The following GPC6 variants were observed in gnomAD, a reference collection of about 807,000 sequenced individuals.
GPC6 encodes the protein glypican-6.
GPC6 carries 14 observed loss-of-function variants against 55.2 expected under a neutral mutation model. That is an observed-to-expected ratio of 0.25 (90% CI 0.17 to 0.40). The LOEUF (loss-of-function observed/expected upper bound fraction) is 0.40, where lower values mean the gene tolerates loss of function less well. Ranked by LOEUF, GPC6 falls within the 10% of genes least tolerant of loss-of-function variation. The pLI, the probability that GPC6 is intolerant of heterozygous loss-of-function variation, is 1.00. For synonymous variants in GPC6, 278 were observed against 259.6 expected, an observed-to-expected ratio of 1.07 and a Z score of -0.68; for missense variants, 641 against 708.5, an observed-to-expected ratio of 0.90 and a Z score of 1.08.
chr13:94,398,194 G>A (rs1010082831), intron 7 of GPC6, among the ~76,000 whole-genome samples: 1 of 149,632 alleles, frequency 6.7e-6, no homozygotes, highest in Non-Finnish European at 1.5e-5. Context: ...CCCCAATTTC[G>A]CATTTATCTG....
At chr13:94,324,658 G>A (rs924761480) in intron 6 of GPC6, among the ~76,000 whole-genome samples, 3 of 151,224 alleles carry the variant, frequency 2.0e-5, no homozygotes, top group African/African-American at 7.3e-5. Context: ...CAGATAAGAG[G>A]CACAGAGATA....
At chr13:94,129,242 A>G (rs1255426762) in intron 4 of GPC6, among the ~76,000 whole-genome samples, 1 of 152,152 alleles carries the variant, frequency 6.6e-6, no homozygotes, top group African/African-American at 2.4e-5. Flanking sequence ...TGGAAACAGT[A>G]ATGGACAAAC....
intron 1 of GPC6, among the ~76,000 whole-genome samples, chr13:93,254,753 G>GAA (rs1876898234): frequency 1.3e-5 from 2 of 151,996 alleles, no homozygotes; most frequent in African/African-American, 4.8e-5. Context: ...ACAACAAGCA[G>GAA]AAAAATTCAT....
At chr13:93,710,775 A>G (rs1883028175) in intron 2 of GPC6, among the ~76,000 whole-genome samples, 1 of 151,502 alleles carries the variant, frequency 6.6e-6, no homozygotes, top group African/African-American at 2.4e-5. Flanking sequence ...AACCATTATA[A>G]TTTTAAGTAA....
chr13:93,276,985 A>G (rs1277265178), intron 1 of GPC6, among the ~76,000 whole-genome samples: 1 of 152,212 alleles, frequency 6.6e-6, no homozygotes, highest in Non-Finnish European at 1.5e-5. Context: ...AGAGATTATA[A>G]TCAATGCTTC....
intron 1 of GPC6, among the ~76,000 whole-genome samples, chr13:93,324,674 TAAAAA>T (rs1879588865): frequency 6.8e-6 from 1 of 147,086 alleles, no homozygotes; most frequent in Non-Finnish European, 1.5e-5. Flanking sequence ...AAATTAAAAA[TAAAAA>T]TTTTTAAAAA....
At chr13:93,357,213 T>C (rs953721961) in intron 1 of GPC6, among the ~76,000 whole-genome samples, 7 of 152,188 alleles carry the variant, frequency 4.6e-5, no homozygotes, top group Non-Finnish European at 7.3e-5. Flanking sequence ...TTTAAGTTGC[T>C]CTTAGGTGGT....
At chr13:93,497,826 A>G (rs894733437) in intron 1 of GPC6, among the ~76,000 whole-genome samples, 15 of 152,240 alleles carry the variant, frequency 9.9e-5, no homozygotes, top group Admixed American at 7.2e-4. Context: ...AATGCATTCC[A>G]GAAGCCCCCT....
chr13:94,242,623 A>C (rs1229508038), intron 4 of GPC6, among the ~76,000 whole-genome samples: 3 of 152,096 alleles, frequency 2.0e-5, no homozygotes, highest in Admixed American at 2.0e-4. Context: ...ATGCACACTA[A>C]AGCTGGCTCC....
chr13:93,456,166 C>A (rs1468409991), intron 1 of GPC6, among the ~76,000 whole-genome samples: 1 of 151,078 alleles, frequency 6.6e-6, no homozygotes, highest in East Asian at 1.9e-4. Flanking sequence ...CTTTATGAAC[C>A]CTTAATCATT....
intron 4 of GPC6, among the ~76,000 whole-genome samples, chr13:94,211,804 C>A (rs759245787): frequency 3.9e-5 from 6 of 152,198 alleles, no homozygotes; most frequent in Non-Finnish European, 8.8e-5. Flanking sequence ...CCTGAAAAAG[C>A]CAATGCAATT....
At chr13:93,689,626 T>C (rs1340795011) in intron 2 of GPC6, among the ~76,000 whole-genome samples, 1 of 152,140 alleles carries the variant, frequency 6.6e-6, no homozygotes, top group Non-Finnish European at 1.5e-5. Flanking sequence ...TGTATGTATA[T>C]GGTCCTATTT....
intron 1 of GPC6, among the ~76,000 whole-genome samples, chr13:93,389,997 G>A (rs1875555098): frequency 1.3e-5 from 2 of 151,720 alleles, no homozygotes; most frequent in Non-Finnish European, 2.9e-5. Context: ...TGAGTGGGAT[G>A]CCTAACATTA....
At chr13:93,643,192 A>G (rs1031565533) in intron 2 of GPC6, among the ~76,000 whole-genome samples, 1 of 152,040 alleles carries the variant, frequency 6.6e-6, no homozygotes, top group African/African-American at 2.4e-5. Flanking sequence ...ATTTTTATTC[A>G]TTCATGAATT....
chr13:93,717,683 A>G (rs1251268090), intron 2 of GPC6, among the ~76,000 whole-genome samples: 1 of 151,764 alleles, frequency 6.6e-6, no homozygotes, highest in Admixed American at 6.6e-5. Context: ...TTACATAGGT[A>G]TACATGTGCC....
chr13:94,312,722 A>G (rs72647627), intron 6 of GPC6, among the ~76,000 whole-genome samples: 189 of 120,480 alleles, frequency 1.6e-3, no homozygotes, highest in Non-Finnish European at 1.6e-3. Context: ...ACGCGCACGC[A>G]CACACACACA....
At chr13:93,734,596 C>T (rs1883934108) in intron 2 of GPC6, among the ~76,000 whole-genome samples, 1 of 152,100 alleles carries the variant, frequency 6.6e-6, no homozygotes, top group Non-Finnish European at 1.5e-5. Context: ...TTTTTACCAA[C>T]TTATTAGAAT....
At chr13:93,992,177 G>GTATATATATA (rs143395246) in intron 3 of GPC6, among the ~76,000 whole-genome samples, 6 of 146,326 alleles carry the variant, frequency 4.1e-5, no homozygotes, top group African/African-American at 1.5e-4. Context: ...AGATATGTGT[G>GTATATATATA]TATATATATA....
At chr13:93,829,218 A>G (rs1887390717) in intron 2 of GPC6, among the ~76,000 whole-genome samples, 1 of 152,226 alleles carries the variant, frequency 6.6e-6, no homozygotes, top group African/African-American at 2.4e-5. Flanking sequence ...TCTCTAAATG[A>G]GATAAAACTT....
Sources: allele counts gnomAD v4.1 joint callset (sites outside exome capture counted in the v4.1 genomes callset), GRCh38; gene constraint gnomAD v4.1.1; transcripts MANE v1.5; gene names NCBI Gene and HGNC (gene_info 2026-07-23, HGNC 2026-07-21).